Variants in NLGN1 observed in about 807,000 individuals in gnomAD.
NLGN1 encodes the protein neuroligin 1.
NLGN1 carries 12 observed loss-of-function variants against 65.5 expected under a neutral mutation model. That is an observed-to-expected ratio of 0.18 (90% CI 0.12 to 0.30). NLGN1 has a LOEUF of 0.30. Ranked by LOEUF, NLGN1 falls within the 10% of genes least tolerant of loss-of-function variation. NLGN1 has a pLI of 1.00. For synonymous variants in NLGN1, 350 were observed against 359.5 expected (o/e 0.97, Z 0.30); for missense variants, 750 against 1,007.1 (o/e 0.74, Z 3.46).
intron 4 of NLGN1, among the ~76,000 whole-genome samples, chr3:174,273,149 G>T (rs757626371): frequency 6.6e-6 from 1 of 151,568 alleles, no homozygotes; most frequent in Non-Finnish European, 1.5e-5. Flanking sequence ...GCTACACATT[G>T]AATGATGATT....
chr3:174,004,812 C>T (rs1247894925), intron 4 of NLGN1, among the ~76,000 whole-genome samples: 4 of 151,960 alleles, frequency 2.6e-5, no homozygotes, highest in Admixed American at 6.6e-5. Context: ...GAAGGGTGGC[C>T]AGGTACAGTT....
chr3:174,031,533 T>A (rs992234166), intron 4 of NLGN1, among the ~76,000 whole-genome samples: 2 of 152,194 alleles, frequency 1.3e-5, no homozygotes, highest in African/African-American at 4.8e-5. Flanking sequence ...CAAGCCATTG[T>A]TGATATCTTC....
intron 3 of NLGN1, among the ~76,000 whole-genome samples, chr3:173,696,417 CT>C (rs1275781717): frequency 6.6e-6 from 1 of 151,962 alleles, no homozygotes; most frequent in Admixed American, 6.6e-5. Flanking sequence ...TACCAAGAGA[CT>C]TTTTTTTCTC....
chr3:173,983,264 A>G (rs1278466681), intron 4 of NLGN1, among the ~76,000 whole-genome samples: 1 of 152,164 alleles, frequency 6.6e-6, no homozygotes, highest in Non-Finnish European at 1.5e-5. Flanking sequence ...GCCATAAGCT[A>G]GAAGTAACTT....
At chr3:173,644,476 C>T (rs1320275101) in intron 3 of NLGN1, 1 of 160,750 alleles carries the variant, frequency 6.2e-6, no homozygotes, top group African/African-American at 2.4e-5. Flanking sequence ...TGGCTCTGGC[C>T]TACTTGTGAG....
intron 4 of NLGN1, among the ~76,000 whole-genome samples, chr3:174,005,334 G>C (rs1724149476): frequency 6.6e-6 from 1 of 152,002 alleles, no homozygotes. Flanking sequence ...TTACTAATTG[G>C]AAAATCCATA....
chr3:173,842,419 C>T (rs1003102700), intron 4 of NLGN1, among the ~76,000 whole-genome samples: 3 of 152,168 alleles, frequency 2.0e-5, no homozygotes, highest in African/African-American at 7.2e-5. Flanking sequence ...CTCAGAAGTC[C>T]ACAGTCCAAA....
chr3:174,272,660 T>TA (rs1561444812), intron 4 of NLGN1, among the ~76,000 whole-genome samples: 14,905 of 124,330 alleles, frequency 0.12, 864 homozygotes, highest in East Asian at 0.2. Context: ...GATGGATGGA[T>TA]GGATGGATAG....
chr3:173,878,700 A>T (rs994077644), intron 4 of NLGN1, among the ~76,000 whole-genome samples: 2 of 151,068 alleles, frequency 1.3e-5, no homozygotes, highest in African/African-American at 4.9e-5. Context: ...ATATATACAC[A>T]TACATATATA....
chr3:173,531,051 C>T (rs1215511921), intron 2 of NLGN1, among the ~76,000 whole-genome samples: 1 of 152,084 alleles, frequency 6.6e-6, no homozygotes, highest in Non-Finnish European at 1.5e-5. Flanking sequence ...CTCTGCTCTT[C>T]ATTTTTAGAA....
rs1178966239 is a variant in NLGN1, at chr3:174,264,594, T to C, written c.647-10721T>C. On this transcript the variant is annotated intron_variant, in intron 4 of 6. Transcript: ENST00000457714. The stretch of plus-strand genomic sequence containing the variant: ...TAGTTATACATTCTTCTAAATTTTT[T>C]TCAAAGTTTTCAACTTCTTTGCCTT... Among the ~76,000 whole-genome samples, 8 of 149,132 alleles carry C rather than the reference T, an allele frequency of 5.4e-5. No homozygotes were observed. In the East Asian group the frequency reaches 1.5e-3, roughly 27 times the overall value.
chr3:173,948,084 A>G (rs1009248093), intron 4 of NLGN1, among the ~76,000 whole-genome samples: 2 of 152,180 alleles, frequency 1.3e-5, no homozygotes, highest in East Asian at 1.9e-4. Flanking sequence ...CTGTGATACA[A>G]TGTGGGAGAC....
chr3:174,128,932 TAGAG>T (rs1039662550), intron 4 of NLGN1, among the ~76,000 whole-genome samples: 110 of 152,046 alleles, frequency 7.2e-4, no homozygotes, highest in African/African-American at 2.6e-3. Context: ...CAAAGGAAAT[TAGAG>T]AGAGAAATTT....
chr3:174,234,985 CTTTTTTTTTTTTTTTT>C (rs748911027), intron 4 of NLGN1, among the ~76,000 whole-genome samples: 2 of 65,748 alleles, frequency 3.0e-5, no homozygotes, highest in Non-Finnish European at 5.0e-5. Context: ...AAGGAATCAC[CTTTTTTTTTTTTTTTT>C]TTTTTTTTTT....
intron 2 of NLGN1, among the ~76,000 whole-genome samples, chr3:173,456,659 T>G (rs999574947): frequency 6.6e-6 from 1 of 152,012 alleles, no homozygotes; most frequent in East Asian, 1.9e-4. Flanking sequence ...GATTAGATGA[T>G]GGAACCAGCA....
chr3:173,983,370 G>A (rs1174822822), intron 4 of NLGN1, among the ~76,000 whole-genome samples: 1 of 152,148 alleles, frequency 6.6e-6, no homozygotes, highest in Non-Finnish European at 1.5e-5. Flanking sequence ...AAGTAAAGGA[G>A]TACTGATCCC....
chr3:173,828,031 C>T (rs2150573768), intron 4 of NLGN1, among the ~76,000 whole-genome samples: 1 of 152,174 alleles, frequency 6.6e-6, no homozygotes, highest in East Asian at 1.9e-4. Flanking sequence ...TCTGGGCATC[C>T]CTTAGCCCAG....
At chr3:173,626,441 A>G (rs1167315315) in intron 3 of NLGN1, among the ~76,000 whole-genome samples, 1 of 152,170 alleles carries the variant, frequency 6.6e-6, no homozygotes, top group East Asian at 1.9e-4. Context: ...ACTTTTAGGC[A>G]TTTTGAGAAT....
At chr3:173,753,204 A>T (rs1299950041) in intron 3 of NLGN1, among the ~76,000 whole-genome samples, 1 of 152,258 alleles carries the variant, frequency 6.6e-6, no homozygotes, top group Admixed American at 6.6e-5. Flanking sequence ...CTGTCTATGA[A>T]TTTATAATGC....
Sources: gnomAD v4.1 joint callset for allele counts (sites outside exome capture counted in the v4.1 genomes callset) on GRCh38, gnomAD v4.1.1 for gene constraint, MANE v1.5 for transcripts, NCBI Gene and HGNC (gene_info 2026-07-23, HGNC 2026-07-21) for gene names.